Variants in CLTCL1 observed in about 807,000 individuals in gnomAD.
CLTCL1 encodes clathrin heavy chain 2.
In CLTCL1, 159 loss-of-function variants were observed where a neutral mutation model predicts 190.0. The observed-to-expected ratio is 0.84, with a 90% CI of 0.74 to 0.95. CLTCL1 has a LOEUF of 0.95. CLTCL1 is among the 40% of genes least tolerant of loss of function. CLTCL1 has a pLI of 0.00. For synonymous variants in CLTCL1, 752 were observed against 769.6 expected, an observed-to-expected ratio of 0.98 and a Z score of 0.38; for missense variants, 1,878 against 2,033.4, an observed-to-expected ratio of 0.92 and a Z score of 1.47.
intron 1 of CLTCL1, among the ~76,000 whole-genome samples, chr22:19,282,894 A>T: frequency 7.0e-6 from 1 of 143,746 alleles, no homozygotes; most frequent in Non-Finnish European, 1.5e-5. Flanking sequence ...TTTTAGACAG[A>T]GTCTTACTCT....
At chr22:19,211,551 A>G (rs1357593943) in intron 19 of CLTCL1, among the ~76,000 whole-genome samples, 1 of 151,974 alleles carries the variant, frequency 6.6e-6, no homozygotes, top group South Asian at 2.1e-4. Context: ...GGTGGATCAC[A>G]AGGTCAGGAT....
Position 19,220,768 on chromosome 22 carries a change from T to C in CLTCL1, c.2796+609A>G, listed in dbSNP as rs1441428893. On this transcript the variant is annotated intron_variant, in intron 17 of 32. Coordinates refer to ENST00000427926, the MANE Select transcript of CLTCL1 (RefSeq NM_007098.4). ...CAACCTCACAGGTGCCCTATTCATG[T>C]CTGGATTTTTAGATCAAATGATTAG... is the stretch of plus-strand genomic sequence containing the variant. 3.9e-5 allele frequency among the ~76,000 whole-genome samples: 6 copies of C among 152,334 alleles called. No homozygotes were observed. The East Asian group carries it at 1.2e-3, about 29-fold the overall frequency.
chr22:19,269,405 A>C (rs2087229865), intron 2 of CLTCL1, among the ~76,000 whole-genome samples: 1 of 152,174 alleles, frequency 6.6e-6, no homozygotes, highest in African/African-American at 2.4e-5. Context: ...CTCCATCTGA[A>C]AAAAAAAGCT....
Position 19,233,618 on chromosome 22 carries a change from A to T in CLTCL1, c.1172T>A (p.Ile391Asn), listed in dbSNP as rs1555960408. 4.3e-6 allele frequency: 7 copies of T among 1,612,824 alleles called. No homozygotes were observed. In the East Asian group the frequency reaches 1.3e-4, roughly 31 times the overall value. Residue 391 changes from isoleucine to asparagine, a missense_variant, in exon 8 of 33, where the codon ATC (isoleucine) becomes AAC (asparagine). Physicochemically the swap from Ile to Asn is moderately radical, Grantham distance 149. Coordinates refer to ENST00000427926, the MANE Select transcript of CLTCL1 (RefSeq NM_007098.4). ...AKVAASAPKG[I>N]LRTRETVQKF... ...CTGGACCGTCTCTCTGGTACGCAGG[A>T]TTCCCTAATAATAAATGGAAAAATA... is the stretch of plus-strand genomic sequence containing the variant.
chr22:19,190,320 G>T (rs1444122233), intron 27 of CLTCL1, among the ~76,000 whole-genome samples: 1 of 152,226 alleles, frequency 6.6e-6, no homozygotes, highest in African/African-American at 2.4e-5. Flanking sequence ...AGGAAAGGAA[G>T]AGGGACCAGG....
chr22:19,281,138 C>T (rs1439301757), intron 1 of CLTCL1, among the ~76,000 whole-genome samples: 1 of 149,414 alleles, frequency 6.7e-6, no homozygotes, highest in Non-Finnish European at 1.5e-5. Flanking sequence ...AAAAAAAATA[C>T]AAAAAAATTA....
rs782074167 is a variant in CLTCL1 at position 19,223,957 on chromosome 22, C to T, written c.2226G>A (p.Lys742=). The T allele has an allele frequency of 1.4e-5, 22 of 1,613,870 alleles. No homozygotes were observed. The highest frequency in any genetic ancestry group is 1.9e-5 in the Non-Finnish European group (22 of 1,179,878). The change falls in exon 14 of 33, where the codon AAG becomes AAA. Residue 742 remains lysine (K), a synonymous_variant. Coordinates refer to ENST00000427926, the MANE Select transcript of CLTCL1 (RefSeq NM_007098.4). ...TCTCTCGGCATATCCTCTCCACCTC[C>T]TTGATCTGCCCTGTCTTACAGGCAG... ...IQAACKTGQI[K]EVERICRESS... is the part of the protein sequence containing the mutation.
At chr22:19,181,043 C>G (rs1555925637) in intron 30 of CLTCL1, 1 of 557,898 alleles carries the variant, frequency 1.8e-6, no homozygotes, top group African/African-American at 1.9e-5. Flanking sequence ...GTGGGGCCCC[C>G]AGAGCTTCCC....
Position 19,226,241 on chromosome 22 carries a change from T to G in CLTCL1, c.1925A>C (p.His642Pro). ...TACCTCGGGATTGAGGAGGTGAGTG[T>G]GGACCACAGCCCTCTTGATGTCATA... Reference protein sequence around the residue: ...DLYDIKRAVVHTHLLNPEWLV... With the variant: ...DLYDIKRAVVPTHLLNPEWLV... The change falls in exon 12 of 33, where the codon CAC (histidine) becomes CCC (proline). Residue 642 changes from histidine to proline, a missense_variant. Physicochemically the swap from His to Pro is moderately conservative, Grantham distance 77. Transcript: ENST00000427926. 6.2e-7 allele frequency: 1 copy of G among 1,613,906 alleles called. No individual in the cohort carries two copies. Among genetic ancestry groups the G allele is most frequent in the Non-Finnish European group, 8.5e-7 (1 of 1,179,846 alleles).
At chr22:19,291,261 T>C (rs1331233373) in intron 1 of CLTCL1, among the ~76,000 whole-genome samples, 3 of 152,154 alleles carry the variant, frequency 2.0e-5, no homozygotes, top group Admixed American at 2.0e-4. Flanking sequence ...CGTGGAGCTG[T>C]GGGATCCGCG....
chr22:19,265,481 TA>T (rs1458292830), intron 2 of CLTCL1, among the ~76,000 whole-genome samples: 1 of 152,104 alleles, frequency 6.6e-6, no homozygotes, highest in Non-Finnish European at 1.5e-5. Context: ...GTTGAGTTTA[TA>T]ACATATATAG....
chr22:19,287,122 T>C (rs1374932400), intron 1 of CLTCL1, among the ~76,000 whole-genome samples: 1 of 152,180 alleles, frequency 6.6e-6, no homozygotes, highest in Non-Finnish European at 1.5e-5. Context: ...AATCAAGATG[T>C]CTTAAGTGCT....
chr22:19,286,419 T>C (rs782766427), intron 1 of CLTCL1, among the ~76,000 whole-genome samples: 1 of 149,908 alleles, frequency 6.7e-6, no homozygotes, highest in Non-Finnish European at 1.5e-5. Context: ...ACAGTTTACA[T>C]GGTATCTTAA....
chr22:19,222,076 G>C lies in CLTCL1; in HGVS notation c.2436C>G (p.Thr812=), dbSNP rs1555952893. The change falls in exon 16 of 33, where the codon ACC becomes ACG. Residue 812 remains threonine, a synonymous_variant. Transcript: ENST00000427926. ...CAAGCAGCCCTCCAATCACAGCTGGGGTCCGGCTAGGGTTGACCTAGGGTA... is the reference window on the plus strand; with the variant it reads ...CAAGCAGCCCTCCAATCACAGCTGGCGTCCGGCTAGGGTTGACCTAGGGTA... ...IYVQKVNPSR[T]PAVIGGLLDV... is the part of the protein sequence containing the mutation. The C allele has an allele frequency of 6.2e-7, 1 of 1,613,944 alleles. No homozygotes were observed. Among genetic ancestry groups the C allele is most frequent in the Admixed American group, 1.7e-5 (1 of 60,024 alleles).
At position 19,267,616 on chromosome 22, in the gene CLTCL1, G is replaced by A. The variant is rs7287947; in HGVS notation, c.250+8007C>T. On this transcript the variant is annotated intron_variant, in intron 2 of 32. Coordinates refer to ENST00000427926, the MANE Select transcript of CLTCL1 (RefSeq NM_007098.4). ...GCAAGAATGGGCACAGATCTGGGTC[G>A]GGCACAGTGGCTCACACCTGTAATC... Among the ~76,000 whole-genome samples, 874 of 152,198 alleles carry A rather than the reference G, an allele frequency of 5.7e-3. 11 individuals are homozygous for A. The highest frequency in any genetic ancestry group is 0.019 in the African/African-American group (780 of 41,516).
At chr22:19,231,465 G>A (rs1260701788) in intron 10 of CLTCL1, among the ~76,000 whole-genome samples, 3 of 152,272 alleles carry the variant, frequency 2.0e-5, no homozygotes, top group African/African-American at 4.8e-5. Context: ...CTATAGCTAC[G>A]CTATTGATTC....
At chr22:19,220,105 G>C (rs939753019) in intron 17 of CLTCL1, 98 bp from the exon 18 acceptor site, 3 of 1,489,738 alleles carry the variant, frequency 2.0e-6, no homozygotes, top group Non-Finnish European at 1.9e-6. Context: ...CCTGATACTG[G>C]TTTGGTGGAC....
chr22:19,215,321 T>A (rs1454361696), intron 19 of CLTCL1, among the ~76,000 whole-genome samples: 2 of 152,254 alleles, frequency 1.3e-5, no homozygotes, highest in Non-Finnish European at 2.9e-5. Flanking sequence ...ATAGCCTTTC[T>A]GGCCTACAAA....
intron 2 of CLTCL1, 121 bp from the exon 3 acceptor site, chr22:19,254,348 A>G: frequency 2.4e-6 from 2 of 840,292 alleles, no homozygotes; most frequent in Non-Finnish European, 3.6e-6. Flanking sequence ...AATCTGATTA[A>G]CAGGGTCTGA....
Sources: gnomAD v4.1 joint callset for allele counts (sites outside exome capture counted in the v4.1 genomes callset) on GRCh38, gnomAD v4.1.1 for gene constraint, MANE v1.5 for transcripts, NCBI Gene and HGNC (gene_info 2026-07-23, HGNC 2026-07-21) for gene names.